LZTFL1: variants seen among roughly 807,000 people sequenced by gnomAD.
LZTFL1 encodes leucine zipper transcription factor like 1.
A neutral mutation model predicts 45.9 loss-of-function variants in LZTFL1; 25 were observed. The ratio of observed to expected loss-of-function variants is 0.54; its 90% CI spans 0.40 to 0.76. The LOEUF (loss-of-function observed/expected upper bound fraction) is 0.76, where lower values mean the gene tolerates loss of function less well. Among genes scored for constraint, LZTFL1 ranks in the 30% least tolerant of loss-of-function variants. LZTFL1 has a pLI of 0.00. For missense variants in LZTFL1, 277 were observed against 331.1 expected, an observed-to-expected ratio of 0.84 and a Z score of 1.27; for synonymous variants, 93 against 117.4, an observed-to-expected ratio of 0.79 and a Z score of 1.35.
chr3:45,900,762 C>A lies in LZTFL1; in HGVS notation c.-215+12358G>T. 6.4e-7 allele frequency: 1 copy of A among 1,562,256 alleles called. No homozygotes were observed. On this transcript the variant is annotated intron_variant, in intron 2 of 4. Transcript: ENST00000472635. This position sits in a 1 kb window ranked among gnomAD's most constrained non-coding sequence, Gnocchi z 4.7. ...CCATGCCTCTGCCATCAGACAGGAC[C>A]TTCAAAATATTTTCCTTGACCTAAT...
intron 2 of LZTFL1, among the ~76,000 whole-genome samples, chr3:45,907,540 A>G (rs1702706278): frequency 6.6e-6 from 1 of 152,158 alleles, no homozygotes; most frequent in Non-Finnish European, 1.5e-5. Context: ...GGAAATTTCT[A>G]AACAGTGTAA....
intron 7 of LZTFL1, among the ~76,000 whole-genome samples, chr3:45,830,399 T>C (rs1575252352): frequency 6.6e-6 from 1 of 152,232 alleles, no homozygotes; most frequent in Non-Finnish European, 1.5e-5. Context: ...CTGGATTTCA[T>C]TGTACTCTAT....
chr3:45,883,013 A>G (rs1169596354), intron 2 of LZTFL1, among the ~76,000 whole-genome samples: 3 of 152,132 alleles, frequency 2.0e-5, no homozygotes, highest in African/African-American at 4.8e-5. Context: ...TGATACTTCT[A>G]CAAGGGGGAC....
At chr3:45,888,472 T>C (rs1215550722) in intron 2 of LZTFL1, among the ~76,000 whole-genome samples, 1 of 152,238 alleles carries the variant, frequency 6.6e-6, no homozygotes, top group Non-Finnish European at 1.5e-5. Context: ...CTTGAGGACA[T>C]GGATCATGTC....
intron 2 of LZTFL1, among the ~76,000 whole-genome samples, chr3:45,906,060 A>G (rs1702672793): frequency 6.6e-6 from 1 of 152,180 alleles, no homozygotes; most frequent in Non-Finnish European, 1.5e-5. Flanking sequence ...ACTCCAGCTC[A>G]GTACCTCCTA....
At position 45,874,594 on chromosome 3, in the gene LZTFL1, C is replaced by T. The variant is rs557793803; in HGVS notation, c.-214-15578G>A. On this transcript the variant is annotated intron_variant, in intron 2 of 4. Coordinates refer to the LZTFL1 transcript ENST00000472635. ...TCCCTTCCCACCACTCAGCCATTCT[C>T]TATCACATTACCCTGTAGGTACATT... 1.2e-3 allele frequency among the ~76,000 whole-genome samples: 186 copies of T among 152,312 alleles called. No individual in the cohort carries two copies. In the South Asian group the frequency reaches 0.016, roughly 13 times the overall value.
chr3:45,905,519 A>C (rs528031454), intron 2 of LZTFL1, among the ~76,000 whole-genome samples: 73 of 152,254 alleles, frequency 4.8e-4, no homozygotes, highest in Non-Finnish European at 9.4e-4. Flanking sequence ...CTAAGCAAAA[A>C]ACCTCTATGG....
chr3:45,895,449 G>A (rs529823732), intron 2 of LZTFL1, among the ~76,000 whole-genome samples: 45 of 152,320 alleles, frequency 3.0e-4, no homozygotes, highest in African/African-American at 1.1e-3. Flanking sequence ...GGTAGCTCAC[G>A]CCTGTAATCC....
chr3:45,847,839 G>T (rs991179846), intron 4 of LZTFL1, among the ~76,000 whole-genome samples: 2 of 152,190 alleles, frequency 1.3e-5, no homozygotes, highest in Non-Finnish European at 2.9e-5. Flanking sequence ...TCTTCTTTAT[G>T]AATAAATGTC....
At position 45,848,465 on chromosome 3, in the gene LZTFL1, A is replaced by T. The variant is rs149539950; in HGVS notation, c.-49+6521T>A. Among the ~76,000 whole-genome samples the T allele has an allele frequency of 2.5e-3, 383 of 152,352 alleles. 1 individual carries two copies. Among genetic ancestry groups the T allele is most frequent in the African/African-American group, 8.8e-3 (364 of 41,590 alleles). ...TAAGGCTTACAGTATTGCGCTACACACAAAATATGCAAGAACTGCTGGAAA... is the reference window on the plus strand; with the variant it reads ...TAAGGCTTACAGTATTGCGCTACACTCAAAATATGCAAGAACTGCTGGAAA... On this transcript the variant is annotated intron_variant, in intron 4 of 4. Coordinates refer to the LZTFL1 transcript ENST00000472635.
upstream of LZTFL1, among the ~76,000 whole-genome samples, chr3:45,846,142 GC>G (rs1248292041): frequency 6.6e-6 from 1 of 152,080 alleles, no homozygotes; most frequent in Non-Finnish European, 1.5e-5. Context: ...GTTGCTTTTG[GC>G]CCTGGACATG....
In LZTFL1 at chr3:45,877,204, T is replaced by G. The variant is rs558229031; in HGVS notation, c.-214-18188A>C. On this transcript the variant is annotated intron_variant, in intron 2 of 4. Coordinates refer to the LZTFL1 transcript ENST00000472635. ...AGTAGGGCTTCTCAGAACCTGTGAG[T>G]GCTGCTTCACCTTTTTCACAAGCAT... 4.7e-4 allele frequency among the ~76,000 whole-genome samples: 72 copies of G among 151,880 alleles called. No homozygotes were observed. The Middle Eastern group carries it at 0.01, about 22-fold the overall frequency.
chr3:45,902,211 C>A (rs200911894), intron 2 of LZTFL1: 1 of 258,126 alleles, frequency 3.9e-6, no homozygotes, highest in Non-Finnish European at 7.9e-6. Flanking sequence ...CTGGAGGAGC[C>A]CTTGGATTTT....
At chr3:45,887,563 G>T (rs1702020490) in intron 2 of LZTFL1, among the ~76,000 whole-genome samples, 1 of 152,200 alleles carries the variant, frequency 6.6e-6, no homozygotes, top group South Asian at 2.1e-4. Context: ...TCCAGAGAGT[G>T]GTCACTGTGT....
intron 1 of LZTFL1, among the ~76,000 whole-genome samples, chr3:45,840,847 A>C (rs998668189): frequency 2.0e-5 from 3 of 152,250 alleles, no homozygotes; most frequent in Non-Finnish European, 4.4e-5. Context: ...GATAAAAATG[A>C]GCACAGTTTA....
chr3:45,824,663 G>A lies in LZTFL1; in HGVS notation c.*1651C>T, dbSNP rs72876522. On this transcript the variant is annotated 3_prime_UTR_variant, in exon 10 of 10. Transcript: ENST00000296135. ...TCACTGGTTTCAAACTGACAAAGGT[G>A]TAGGGAGAAAATAATTGAATGGTTT... 7.5e-3 allele frequency: 2,966 copies of A among 395,954 alleles called. 92 individuals are homozygous for A. The highest frequency in any genetic ancestry group is 0.055 in the African/African-American group (2,681 of 48,690). 24.5% of individuals were successfully genotyped at this position (395,954 alleles called of 1,614,324 possible). A position where few individuals can be genotyped will look rare whatever the true frequency, so the allele number is the denominator to read the frequency against.
intron 7 of LZTFL1, among the ~76,000 whole-genome samples, chr3:45,830,117 T>C (rs370057558): frequency 2.6e-4 from 39 of 152,346 alleles, no homozygotes; most frequent in East Asian, 2.1e-3. Context: ...CTTTTGTGTA[T>C]GTTTGAAATT....
chr3:45,884,267 G>A (rs926612192), intron 2 of LZTFL1, among the ~76,000 whole-genome samples: 10 of 152,182 alleles, frequency 6.6e-5, no homozygotes, highest in African/African-American at 2.4e-4. Context: ...AAGAAACACA[G>A]CAAAGAAAAC....
At chr3:45,880,216 A>G (rs369309791) in intron 2 of LZTFL1, among the ~76,000 whole-genome samples, 1 of 152,190 alleles carries the variant, frequency 6.6e-6, no homozygotes, top group East Asian at 1.9e-4. Flanking sequence ...TTAAAAATGG[A>G]AATCAGGCTA....
Sources: gnomAD v4.1 joint callset for allele counts (sites outside exome capture counted in the v4.1 genomes callset) on GRCh38, gnomAD v4.1.1 for gene constraint, Gnocchi (gnomAD v3.1) non-coding constraint, MANE v1.5 for transcripts, NCBI Gene and HGNC (gene_info 2026-07-23, HGNC 2026-07-21) for gene names.